The following PDCL variants were observed in gnomAD, a reference collection of about 807,000 sequenced individuals.
PDCL encodes phosducin-like protein.
A neutral mutation model predicts 26.7 loss-of-function variants in PDCL; 11 were observed. The ratio of observed to expected loss-of-function variants is 0.41; its 90% CI spans 0.26 to 0.68. The LOEUF (loss-of-function observed/expected upper bound fraction) is 0.68, where lower values mean the gene tolerates loss of function less well. Among genes scored for constraint, PDCL ranks in the 30% least tolerant of loss-of-function variants. The pLI is 0.30. For synonymous variants in PDCL, 118 were observed against 134.9 expected (o/e 0.87, Z 0.87); for missense variants, 330 against 371.6 (o/e 0.89, Z 0.92).
At chr9:122,825,477 T>C (rs1829612741) in intron 2 of PDCL, among the ~76,000 whole-genome samples, 1 of 152,194 alleles carries the variant, frequency 6.6e-6, no homozygotes, top group South Asian at 2.1e-4. Flanking sequence ...AACCTTTTTA[T>C]ACAGCAAAGT....
rs1284336399 is a variant in PDCL, at chr9:122,828,570, A to G, written c.-105T>C. ...GGAAGAGCAGTGGGTCAGCGCCCTG[A>G]GCGCTAAAGAGAAAAGCCGCCGAAG... On this transcript the variant is annotated 5_prime_UTR_variant, in exon 1 of 4. Transcript: ENST00000259467. 1 of 152,206 alleles carries G rather than the reference A, an allele frequency of 6.6e-6. No homozygotes were observed. The highest frequency in any genetic ancestry group is 2.4e-5 in the African/African-American group (1 of 41,446). 9.4% of individuals were successfully genotyped at this position (152,206 alleles called of 1,614,324 possible). A position where few individuals can be genotyped will look rare whatever the true frequency, so the allele number is the denominator to read the frequency against.
Position 122,820,247 on chromosome 9 carries a change from A to T in PDCL, c.744T>A (p.Phe248Leu), listed in dbSNP as rs773128584. The T allele has an allele frequency of 9.9e-6, 16 of 1,614,102 alleles. No individual in the cohort carries two copies. Among genetic ancestry groups the T allele is most frequent in the Non-Finnish European group, 1.4e-5 (16 of 1,180,050 alleles). Residue 248 changes from phenylalanine (F) to leucine (L), a missense_variant, in exon 4 of 4, where the codon TTT becomes TTA. Physicochemically the swap from Phe to Leu is conservative, Grantham distance 22. Coordinates refer to ENST00000259467, the MANE Select transcript of PDCL (RefSeq NM_005388.5). ...CCCCCAGCTGGTCAGTAACACGAAC[A>T]AAATTGCCGATCAATTCACCCCCCT... ...IYKGGELIGN[F>L]VRVTDQLGDD...
intron 3 of PDCL, 37 bp downstream of exon 3, chr9:122,822,979 A>G (rs546841464): frequency 6.3e-7 from 1 of 1,578,558 alleles, no homozygotes; most frequent in East Asian, 2.2e-5. Context: ...TAGCAGCCAC[A>G]GCAGACTCTA....
At chr9:122,827,378 A>T (rs1217404112) in intron 1 of PDCL, among the ~76,000 whole-genome samples, 1 of 152,188 alleles carries the variant, frequency 6.6e-6, no homozygotes, top group African/African-American at 2.4e-5. Flanking sequence ...CTATTCTGAC[A>T]GTTTAAAAGA....
Position 122,818,669 on chromosome 9 carries a change from A to G in PDCL, c.*1416T>C, listed in dbSNP as rs1829515651. On this transcript the variant is annotated 3_prime_UTR_variant, in exon 4 of 4. Transcript: ENST00000259467. ...AAAAGCCAGGAAAATCAAAATTGTG[A>G]ATTTTAAGGCTAATATTTAATTCCA... 1 of 152,158 alleles carries G rather than the reference A, an allele frequency of 6.6e-6. No individual in the cohort carries two copies. 9.4% of individuals were successfully genotyped at this position (152,158 alleles called of 1,614,324 possible).
At position 122,826,694 on chromosome 9, in the gene PDCL, G is replaced by A; in HGVS notation, c.94C>T (p.Arg32Ter). 6.2e-7 allele frequency: 1 copy of A among 1,614,104 alleles called. No homozygotes were observed. The highest frequency in any genetic ancestry group is 8.5e-7 in the Non-Finnish European group (1 of 1,180,026). The stretch of plus-strand genomic sequence containing the variant: ...CTGCTGGCTGGGGCACATCTGCCTC[G>A]GTCCTTGTCCTCGTGGTCACTGTCC... ...DEDSDHEDKD[R>*]GRCAPASSSV... Residue 32 changes from arginine (R) to a stop codon, truncating the protein, a stop_gained, in exon 2 of 4, where the codon CGA becomes TGA. Coordinates refer to ENST00000259467, the MANE Select transcript of PDCL (RefSeq NM_005388.5). LOFTEE classifies it high-confidence loss of function.
chr9:122,827,588 C>T (rs1471178340), intron 1 of PDCL, among the ~76,000 whole-genome samples: 1 of 152,042 alleles, frequency 6.6e-6, no homozygotes, highest in African/African-American at 2.4e-5. Flanking sequence ...AAAAATTAGC[C>T]AGGTGTGGTG....
At chr9:122,824,402 GGT>G (rs1469246198) in intron 2 of PDCL, among the ~76,000 whole-genome samples, 1 of 152,110 alleles carries the variant, frequency 6.6e-6, no homozygotes, top group Non-Finnish European at 1.5e-5. Context: ...CCATGAAAAC[GGT>G]GTGTCCTAAA....
chr9:122,820,494 C>CT lies in PDCL; in HGVS notation c.496dup (p.Ser166LysfsTer10). 6.2e-7 allele frequency: 1 copy of CT among 1,614,136 alleles called. No individual in the cohort carries two copies. Among genetic ancestry groups the CT allele is most frequent in the Non-Finnish European group, 8.5e-7 (1 of 1,180,030 alleles). Reference sequence around the variant, plus strand: ...AATCATGTCTAAAAACCCTTCTCCACTGGAGATCTCAAAAACCTGCTTGAA... The same window carrying CT: ...AATCATGTCTAAAAACCCTTCTCCACTTGGAGATCTCAAAAACCTGCTTGAA... On this transcript the variant is annotated frameshift_variant, in exon 4 of 4. Coordinates refer to ENST00000259467, the MANE Select transcript of PDCL (RefSeq NM_005388.5). LOFTEE classifies it high-confidence loss of function.
At chr9:122,826,920 C>G (rs1030994718) in intron 1 of PDCL, 128 bp from the exon 2 acceptor site, 7 of 809,898 alleles carry the variant, frequency 8.6e-6, no homozygotes, top group Non-Finnish European at 1.2e-5. Context: ...ATTTTCATAA[C>G]CAAAATCTTA....
In PDCL at chr9:122,819,532, G is replaced by A. The variant is rs1829527439; in HGVS notation, c.*553C>T. ...TCCAGACTTAGTCATGCTGGAGGAAGACATGAAATCCAGCAGCAGAGGCCA... is the reference window on the plus strand; with the variant it reads ...TCCAGACTTAGTCATGCTGGAGGAAAACATGAAATCCAGCAGCAGAGGCCA... On this transcript the variant is annotated 3_prime_UTR_variant, in exon 4 of 4. Transcript: ENST00000259467. 1 of 152,164 alleles carries A rather than the reference G, an allele frequency of 6.6e-6. No homozygotes were observed. Among genetic ancestry groups the A allele is most frequent in the Non-Finnish European group, 1.5e-5 (1 of 68,112 alleles). The allele number at this position is 152,164 out of a possible 1,614,324, so 9.4% of individuals were successfully genotyped here. A position where few individuals can be genotyped will look rare whatever the true frequency, so the allele number is the denominator to read the frequency against.
At chr9:122,820,896 G>C (rs1395674749) in intron 3 of PDCL, 1 of 388,666 alleles carries the variant, frequency 2.6e-6, no homozygotes, top group Non-Finnish European at 4.7e-6. Context: ...ACTGGAGGCT[G>C]AGGCACAACA....
chr9:122,818,361 AAATT>A lies in PDCL; in HGVS notation c.*1720_*1723del, dbSNP rs1399362069. On this transcript the variant is annotated 3_prime_UTR_variant, in exon 4 of 4. Coordinates refer to ENST00000259467, the MANE Select transcript of PDCL (RefSeq NM_005388.5). ...TGATGAAATATTATGAAGCCACTGA[AAATT>A]ATTTATTTAGAATGTTTGAAACATC... 1 of 152,198 alleles carries A rather than the reference AAATT, an allele frequency of 6.6e-6. No homozygotes were observed. The highest frequency in any genetic ancestry group is 1.9e-4 in the East Asian group (1 of 5,198). 9.4% of individuals were successfully genotyped at this position (152,198 alleles called of 1,614,324 possible). A position where few individuals can be genotyped will look rare whatever the true frequency, so the allele number is the denominator to read the frequency against.
At chr9:122,820,760 G>A (rs1347565002) in intron 3 of PDCL, 124 bp from the exon 4 acceptor site, 2 of 716,366 alleles carry the variant, frequency 2.8e-6, no homozygotes, top group Non-Finnish European at 4.5e-6. Flanking sequence ...GAGACGAGCG[G>A]ATCACTTGAG....
chr9:122,826,077 G>A lies in PDCL; in HGVS notation c.172+539C>T, dbSNP rs556789888. Among the ~76,000 whole-genome samples, 3 of 152,208 alleles carry A rather than the reference G, an allele frequency of 2.0e-5. No individual in the cohort carries two copies. The South Asian group carries it at 6.2e-4, about 32-fold the overall frequency. Reference sequence around the variant, plus strand: ...AAGGCACTCCAGCCTGAGCAACAAGGTGAGAACTTGTCTTAAAAAACAAAA... The same window carrying A: ...AAGGCACTCCAGCCTGAGCAACAAGATGAGAACTTGTCTTAAAAAACAAAA... On this transcript the variant is annotated intron_variant, in intron 2 of 3. Coordinates refer to ENST00000259467, the MANE Select transcript of PDCL (RefSeq NM_005388.5).
At chr9:122,824,368 T>C (rs1829595522) in intron 2 of PDCL, among the ~76,000 whole-genome samples, 1 of 152,172 alleles carries the variant, frequency 6.6e-6, no homozygotes, top group Non-Finnish European at 1.5e-5. Context: ...TTCCAACAGC[T>C]CCTCTCTTGC....
intron 2 of PDCL, among the ~76,000 whole-genome samples, chr9:122,824,391 G>A (rs181621320): frequency 9.2e-5 from 14 of 152,194 alleles, no homozygotes; most frequent in Admixed American, 5.9e-4. Context: ...TCTATGCTTC[G>A]CCATGAAAAC....
chr9:122,825,551 T>C (rs1272152224), intron 2 of PDCL, among the ~76,000 whole-genome samples: 2 of 151,956 alleles, frequency 1.3e-5, no homozygotes, highest in East Asian at 1.9e-4. Context: ...TAAGAAACTA[T>C]AAAATACTTT....
intron 3 of PDCL, among the ~76,000 whole-genome samples, chr9:122,821,068 G>C (rs889463665): frequency 1.3e-5 from 2 of 151,976 alleles, no homozygotes; most frequent in Non-Finnish European, 2.9e-5. Context: ...ACCATGCTAA[G>C]TACTTTACAT....
Sources: allele counts gnomAD v4.1 joint callset (sites outside exome capture counted in the v4.1 genomes callset), GRCh38; gene constraint gnomAD v4.1.1; transcripts MANE v1.5; gene names NCBI Gene and HGNC (gene_info 2026-07-23, HGNC 2026-07-21).